Variants in IRAK1BP1 observed in about 807,000 individuals in gnomAD.
IRAK1BP1 encodes the protein interleukin 1 receptor associated kinase 1 binding protein 1, also known as interleukin-1 receptor-associated kinase 1-binding protein 1.
In IRAK1BP1, 24 loss-of-function variants were observed where a neutral mutation model predicts 28.0. The observed-to-expected ratio is 0.86, with a 90% CI of 0.62 to 1.20. IRAK1BP1 has a LOEUF of 1.20. Among genes scored for constraint, IRAK1BP1 ranks in the 50% most tolerant of loss-of-function variants. The probability of loss-of-function intolerance (pLI) is 0.00; values close to 1 mark genes in which losing one functional copy is unlikely to be tolerated. For missense variants in IRAK1BP1, 336 were observed against 316.7 expected (o/e 1.06, Z -0.46); for synonymous variants, 131 against 116.3 (o/e 1.13, Z -0.81).
chr6:78,883,569 AGTG>A (rs1361652377), intron 1 of IRAK1BP1, among the ~76,000 whole-genome samples: 1 of 152,114 alleles, frequency 6.6e-6, no homozygotes, highest in African/African-American at 2.4e-5. Context: ...TATCAAGTGA[AGTG>A]GGAGAAAAGT....
At chr6:78,886,023 G>A (rs1294686837) in intron 2 of IRAK1BP1, among the ~76,000 whole-genome samples, 1 of 152,156 alleles carries the variant, frequency 6.6e-6, no homozygotes, top group Non-Finnish European at 1.5e-5. Flanking sequence ...TTAGGTTACA[G>A]GACTGCTGTT....
At chr6:78,947,817 C>G, downstream of IRAK1BP1, 1 of 1,404,304 alleles carries the variant, frequency 7.1e-7, no homozygotes, top group Non-Finnish European at 1.0e-6. Flanking sequence ...TATTACTACA[C>G]AAAGCATCAC....
At chr6:78,961,242 T>C in the IRAK1BP1 span, among the ~76,000 whole-genome samples, 6 of 152,088 alleles carry the variant, frequency 3.9e-5, no homozygotes, top group Admixed American at 3.3e-4. Context: ...TTATAAGTAA[T>C]GATAAGCTGA....
chr6:78,872,735 T>C (rs1770834523), intron 1 of IRAK1BP1, among the ~76,000 whole-genome samples: 1 of 152,220 alleles, frequency 6.6e-6, no homozygotes. Flanking sequence ...TGAAGGCTTA[T>C]GAAAAATTGT....
At chr6:78,941,872 A>C (rs957009281) in intron 4 of IRAK1BP1, among the ~76,000 whole-genome samples, 23 of 152,312 alleles carry the variant, frequency 1.5e-4, no homozygotes, top group Admixed American at 1.5e-3. Flanking sequence ...TCCATGATAA[A>C]AGGCCATTAT....
At chr6:78,965,629 G>A in the IRAK1BP1 span, 2 of 841,302 alleles carry the variant, frequency 2.4e-6, no homozygotes, top group South Asian at 1.6e-5. Flanking sequence ...GTGGTAGCAT[G>A]TTAGCAAATC....
chr6:78,885,416 G>C lies in IRAK1BP1; in HGVS notation c.354G>C (p.Val118=). ...NITVTKDFRR[V]ENAYHMEAEV... ...CTGTGACAAAGGATTTTAGGAGAGT[G>C]GAAAATGCTTATCACATGGAAGCAG... The change falls in exon 2 of 4, where the codon GTG becomes GTC. Residue 118 remains valine (V), a synonymous_variant. Transcript: ENST00000369940. 1 of 1,580,878 alleles carries C rather than the reference G, an allele frequency of 6.3e-7. No homozygotes were observed. Among genetic ancestry groups the C allele is most frequent in the Non-Finnish European group, 8.6e-7 (1 of 1,157,980 alleles).
chr6:78,922,496 T>C (rs1242267726), intron 4 of IRAK1BP1, among the ~76,000 whole-genome samples: 1 of 152,176 alleles, frequency 6.6e-6, no homozygotes, highest in Non-Finnish European at 1.5e-5. Context: ...TGGAAAACAC[T>C]TTGCAGGATA....
At chr6:78,921,383 G>A (rs975796917) in intron 4 of IRAK1BP1, among the ~76,000 whole-genome samples, 1 of 152,222 alleles carries the variant, frequency 6.6e-6, no homozygotes, top group Admixed American at 6.5e-5. Flanking sequence ...GGGGAGGGGC[G>A]CCCATCATTG....
intron 1 of IRAK1BP1, among the ~76,000 whole-genome samples, chr6:78,868,536 A>G (rs934059728): frequency 6.6e-6 from 1 of 152,210 alleles, no homozygotes; most frequent in Non-Finnish European, 1.5e-5. Flanking sequence ...AAATACTTCT[A>G]CTTACTTAAC....
intron 4 of IRAK1BP1, among the ~76,000 whole-genome samples, chr6:78,921,418 G>A (rs977926579): frequency 1.2e-4 from 18 of 152,226 alleles, no homozygotes; most frequent in African/African-American, 2.7e-4. Flanking sequence ...GGTAAACAAA[G>A]CAACCGGGAA....
chr6:78,888,521 T>TG (rs1461872926), intron 2 of IRAK1BP1, among the ~76,000 whole-genome samples: 1 of 44,268 alleles, frequency 2.3e-5, no homozygotes, highest in Non-Finnish European at 6.2e-5. Context: ...ACAGCTCCAA[T>TG]TTTTTTTTTT....
At chr6:78,879,103 C>A (rs1771121236) in intron 1 of IRAK1BP1, among the ~76,000 whole-genome samples, 1 of 152,112 alleles carries the variant, frequency 6.6e-6, no homozygotes, top group African/African-American at 2.4e-5. Context: ...CTTCCCCAAC[C>A]TAGCAAGGCT....
At chr6:78,917,891 C>G (rs1412360009) in intron 4 of IRAK1BP1, among the ~76,000 whole-genome samples, 3 of 152,176 alleles carry the variant, frequency 2.0e-5, no homozygotes, top group African/African-American at 7.2e-5. Flanking sequence ...TTTGTTACCA[C>G]TAGGTCAGCC....
chr6:78,875,638 AT>A (rs2127666978), intron 1 of IRAK1BP1, among the ~76,000 whole-genome samples: 1 of 152,302 alleles, frequency 6.6e-6, no homozygotes, highest in South Asian at 2.1e-4. Context: ...AGAAAACCAC[AT>A]ATTCTCACTT....
the IRAK1BP1 span, chr6:78,969,973 A>G: frequency 1.3e-6 from 2 of 1,578,862 alleles, no homozygotes; most frequent in Non-Finnish European, 1.7e-6. Context: ...TACCTAAAAG[A>G]TGTTCAAATG....
At chr6:78,871,706 G>A in intron 1 of IRAK1BP1, 1 of 223,564 alleles carries the variant, frequency 4.5e-6, no homozygotes, top group Non-Finnish European at 7.8e-6. Flanking sequence ...ATTATTGGCA[G>A]GTTGCTTGCA....
chr6:78,870,821 C>T (rs1770770676), intron 1 of IRAK1BP1, among the ~76,000 whole-genome samples: 1 of 152,028 alleles, frequency 6.6e-6, no homozygotes, highest in Non-Finnish European at 1.5e-5. Flanking sequence ...AAGCAATTCT[C>T]CTGCCTCAGC....
At chr6:78,884,670 A>G (rs1233813666) in intron 1 of IRAK1BP1, among the ~76,000 whole-genome samples, 1 of 152,130 alleles carries the variant, frequency 6.6e-6, no homozygotes, top group East Asian at 1.9e-4. Flanking sequence ...TATTAACCTG[A>G]TTTGATAAAT....
Sources: allele counts gnomAD v4.1 joint callset (sites outside exome capture counted in the v4.1 genomes callset), GRCh38; gene constraint gnomAD v4.1.1; transcripts MANE v1.5; gene names NCBI Gene and HGNC (gene_info 2026-07-23, HGNC 2026-07-21).